The following KDM6B variants were observed in gnomAD, a reference collection of about 807,000 sequenced individuals.
The protein encoded by KDM6B is lysine demethylase 6B, also known as lysine-specific demethylase 6B.
A neutral mutation model predicts 150.4 loss-of-function variants in KDM6B; 22 were observed. That is an observed-to-expected ratio of 0.15 (90% CI 0.10 to 0.21). The LOEUF is 0.21. Among genes scored for constraint, KDM6B ranks in the 10% least tolerant of loss-of-function variants. KDM6B has a pLI of 1.00. For synonymous variants in KDM6B, 1,148 were observed against 921.1 expected, an observed-to-expected ratio of 1.25 and a Z score of -4.46; for missense variants, 1,984 against 2,234.3, an observed-to-expected ratio of 0.89 and a Z score of 2.26.
rs2078686086 is a variant in KDM6B at position 7,851,234 on chromosome 17, G to A, written c.3879+8G>A. The A allele has an allele frequency of 6.2e-7, 1 of 1,614,078 alleles. No homozygotes were observed. Among genetic ancestry groups the A allele is most frequent in the Non-Finnish European group, 8.5e-7 (1 of 1,180,032 alleles). On this transcript the variant is annotated splice_region_variant and intron_variant, in intron 15 of 23. Coordinates refer to ENST00000448097, the MANE Select transcript of KDM6B (RefSeq NM_001348716.2). ...TTCCAGGAGTCTCTGCAGGTGAGATGAGAACGTGGCCAGAGGCAGGTCCTG... is the reference window on the plus strand; with the variant it reads ...TTCCAGGAGTCTCTGCAGGTGAGATAAGAACGTGGCCAGAGGCAGGTCCTG...
At position 7,846,956 on chromosome 17, in the gene KDM6B, T is replaced by C; in HGVS notation, c.849T>C (p.Ser283=). The part of the protein sequence containing the change: ...PFQLTKPGLW[S]TLHGDAWGPE... ...AGCTAACCAAGCCAGGGCTGTGGAG[T>C]ACCCTGCATGGAGATGCCTGGGGCC... Residue 283 remains serine, a synonymous_variant, in exon 10 of 24, where the codon AGT becomes AGC. Coordinates refer to ENST00000448097, the MANE Select transcript of KDM6B (RefSeq NM_001348716.2). 1.4e-6 allele frequency: 2 copies of C among 1,425,440 alleles called. No homozygotes were observed. Among genetic ancestry groups the C allele is most frequent in the Non-Finnish European group, 1.9e-6 (2 of 1,062,160 alleles). 88.3% of individuals were successfully genotyped at this position (1,425,440 alleles called of 1,614,324 possible).
At position 7,849,638 on chromosome 17, in the gene KDM6B, C is replaced by G. The variant is rs745572740; in HGVS notation, c.3350C>G (p.Thr1117Ser). The change falls in exon 12 of 24, where the codon ACC becomes AGC. Residue 1117 changes from threonine to serine, a missense_variant. By Grantham distance (58) the Thr-to-Ser change is moderately conservative. Around this residue, in one of 13 missense-constraint regions of KDM6B, gnomAD observed 1,379 missense variants for 1,275.6 expected, o/e 1.08. Transcript: ENST00000448097. ...LIKVESGDKE[T>S]FIASEVEERR... ...AAGGTAGAGAGTGGTGACAAGGAGA[C>G]CTTTATCGCCTCTGAGGTGGAAGAG... 1 of 1,611,294 alleles carries G rather than the reference C, an allele frequency of 6.2e-7. No individual in the cohort carries two copies. Among genetic ancestry groups the G allele is most frequent in the Admixed American group, 1.7e-5 (1 of 60,022 alleles).
chr17:7,846,371 G>GGGGGGGGCCCCCCCCCCCCCC, intron 7 of KDM6B, 29 bp from the exon 8 acceptor site: 1 of 1,488,922 alleles, frequency 6.7e-7, no homozygotes, highest in Non-Finnish European at 9.2e-7. Flanking sequence ...CCTGACATCT[G>GGGGGGGGCCCCCCCCCCCCCC]CCCCTGCCCC....
chr17:7,848,840 C>T lies in KDM6B; in HGVS notation c.2552C>T (p.Thr851Ile), dbSNP rs1278027740. The change falls in exon 12 of 24, where the codon ACC (threonine) becomes ATC (isoleucine). Residue 851 changes from threonine to isoleucine, a missense_variant. Physicochemically the swap from Thr to Ile is moderately conservative, Grantham distance 89. Around this residue, in one of 13 missense-constraint regions of KDM6B, gnomAD observed 1,379 missense variants for 1,275.6 expected, o/e 1.08. Coordinates refer to ENST00000448097, the MANE Select transcript of KDM6B (RefSeq NM_001348716.2). ...TCAGGTGCTACCGCCCTGCCGCCCA[C>T]CTCAGCGGCCCCTAGCGCCCAGGGC... Reference protein sequence around the residue: ...PPSGATALPPTSAAPSAQGSP... With the variant: ...PPSGATALPPISAAPSAQGSP... The T allele has an allele frequency of 3.1e-6, 5 of 1,612,238 alleles. No individual in the cohort carries two copies. Among genetic ancestry groups the T allele is most frequent in the Non-Finnish European group, 4.2e-6 (5 of 1,179,756 alleles).
Position 7,848,680 on chromosome 17 carries a change from C to A in KDM6B, c.2392C>A (p.Pro798Thr). 2 of 1,611,592 alleles carry A rather than the reference C, an allele frequency of 1.2e-6. No homozygotes were observed. The highest frequency in any genetic ancestry group is 8.5e-7 in the Non-Finnish European group (1 of 1,179,730). ...SQPQPPPPPP[P>T]SPASLLKSLA... is the part of the protein sequence containing the mutation. ...GCCACAGCCACCACCACCCCCACCC[C>A]CCAGCCCGGCCAGCCTGCTCAAATC... The change falls in exon 12 of 24, where the codon CCC becomes ACC. Residue 798 changes from proline to threonine, a missense_variant. Pro to Thr is a conservative substitution (Grantham distance 38). Transcript: ENST00000448097.
At chr17:7,836,850 G>C (rs997452101) in intron 1 of KDM6B, among the ~76,000 whole-genome samples, 1 of 152,186 alleles carries the variant, frequency 6.6e-6, no homozygotes, top group Non-Finnish European at 1.5e-5. Context: ...CTGTGTTAGA[G>C]GTGGCCTGGG....
Position 7,847,786 on chromosome 17 carries a change from A to T in KDM6B, c.1498A>T (p.Ile500Phe), listed in dbSNP as rs535665513. Residue 500 changes from isoleucine (I) to phenylalanine (F), a missense_variant, in exon 12 of 24, where the codon ATC (isoleucine) becomes TTC (phenylalanine). Physicochemically the swap from Ile to Phe is conservative, Grantham distance 21. Transcript: ENST00000448097. ...ACRAAREDGEILEELFFGTEG... is the reference protein window; with the variant it reads ...ACRAAREDGEFLEELFFGTEG... ...CCGGGCAGCCCGAGAGGATGGAGAG[A>T]TCTTAGAAGAGCTCTTCTTTGGGAC... 2 of 1,490,596 alleles carry T rather than the reference A, an allele frequency of 1.3e-6. No individual in the cohort carries two copies. Among genetic ancestry groups the T allele is most frequent in the Non-Finnish European group, 1.8e-6 (2 of 1,111,480 alleles). The allele number at this position is 1,490,596 out of a possible 1,614,324, so 92.3% of individuals were successfully genotyped here.
chr17:7,852,849 A>C, intron 21 of KDM6B, 151 bp from the exon 22 acceptor site: 1 of 1,279,162 alleles, frequency 7.8e-7, no homozygotes, highest in South Asian at 1.2e-5. Flanking sequence ...CGCCTATAAC[A>C]GATGCCCAGG....
At position 7,851,602 on chromosome 17, in the gene KDM6B, G is replaced by A. The variant is rs543660086; in HGVS notation, c.4017-46G>A. On this transcript the variant is annotated intron_variant, in intron 17 of 23. Transcript: ENST00000448097. ...GGGGCAGGAGTGCTGCTAGGACCTC[G>A]TGGCGGGGGCGGGGTGTAGCCTCTC... The A allele has an allele frequency of 1.1e-5, 18 of 1,608,152 alleles. No homozygotes were observed. In the South Asian group the frequency reaches 2.0e-4, roughly 18 times the overall value.
rs2078758664 is a variant in KDM6B, at chr17:7,853,965, C to T, written c.*444C>T. The stretch of plus-strand genomic sequence containing the variant: ...GATTCTTTCTATGGGCTTTACCCCT[C>T]CCCCGGAACCTCCTTTTTTACTTCC... On this transcript the variant is annotated 3_prime_UTR_variant, in exon 24 of 24. Coordinates refer to ENST00000448097, the MANE Select transcript of KDM6B (RefSeq NM_001348716.2). 1 of 156,634 alleles carries T rather than the reference C, an allele frequency of 6.4e-6. No homozygotes were observed. Among genetic ancestry groups the T allele is most frequent in the South Asian group, 1.9e-4 (1 of 5,174 alleles). The allele number at this position is 156,634 out of a possible 1,614,324, so 9.7% of individuals were successfully genotyped here.
chr17:7,844,003 G>A lies in KDM6B; in HGVS notation c.-268-898G>A, dbSNP rs1223728725. 6.6e-6 allele frequency among the ~76,000 whole-genome samples: 1 copy of A among 151,968 alleles called. No individual in the cohort carries two copies. Among genetic ancestry groups the A allele is most frequent in the African/African-American group, 2.4e-5 (1 of 41,354 alleles). Reference sequence around the variant, plus strand: ...CTTTAAGGGAGTGGGTGGTGAGAGTGGGACAAGGGTGATGTCACTGCCTGT... The same window carrying A: ...CTTTAAGGGAGTGGGTGGTGAGAGTAGGACAAGGGTGATGTCACTGCCTGT... On this transcript the variant is annotated intron_variant, in intron 2 of 23. Transcript: ENST00000448097. This position sits in a 1 kb window ranked among gnomAD's most constrained non-coding sequence, Gnocchi z 5.9.
At chr17:7,835,715 A>G (rs1221574643) in intron 1 of KDM6B, among the ~76,000 whole-genome samples, 1 of 151,934 alleles carries the variant, frequency 6.6e-6, no homozygotes, top group South Asian at 2.1e-4. Context: ...GCTGCCTGGG[A>G]CCCGCACGTG....
At position 7,849,043 on chromosome 17, in the gene KDM6B, C is replaced by A. The variant is rs765488203; in HGVS notation, c.2755C>A (p.Arg919=). ...GTCTGAGGTGCTAGAAGAGATCAGC[C>A]GGGCTTGCGAGACCCTTGTGGAGCG... The part of the protein sequence containing the change: ...SESEVLEEIS[R]ACETLVERVG... Residue 919 remains arginine (R), a synonymous_variant, in exon 12 of 24, where the codon CGG becomes AGG. Coordinates refer to ENST00000448097, the MANE Select transcript of KDM6B (RefSeq NM_001348716.2). 1.2e-6 allele frequency: 2 copies of A among 1,611,128 alleles called. No homozygotes were observed. Among genetic ancestry groups the A allele is most frequent in the Non-Finnish European group, 1.7e-6 (2 of 1,179,312 alleles).
rs1567807417 is a variant in KDM6B, at chr17:7,854,416, TAAA to T, written c.*896_*898del. On this transcript the variant is annotated 3_prime_UTR_variant, in exon 24 of 24. Coordinates refer to ENST00000448097, the MANE Select transcript of KDM6B (RefSeq NM_001348716.2). ...CTGAAATGGTATTTTGTAAAAAAAA[TAAA>T]TAAAATAAAAAAATTAAAGGTTTTA... is the stretch of plus-strand genomic sequence containing the variant. The T allele has an allele frequency of 6.7e-6, 1 of 148,278 alleles. No individual in the cohort carries two copies. Among genetic ancestry groups the T allele is most frequent in the African/African-American group, 2.5e-5 (1 of 40,602 alleles). The allele number at this position is 148,278 out of a possible 1,614,324, so 9.2% of individuals were successfully genotyped here.
At chr17:7,852,923 C>G (rs1048271351) in intron 21 of KDM6B, 77 bp from the exon 22 acceptor site, 10 of 1,598,688 alleles carry the variant, frequency 6.3e-6, no homozygotes, top group East Asian at 4.5e-5. Context: ...GGGCTGCCCA[C>G]CCCTCTGCCC....
intron 5 of KDM6B, 54 bp from the exon 6 acceptor site, chr17:7,845,818 G>A (rs2078521089): frequency 1.9e-6 from 3 of 1,591,772 alleles, no homozygotes; most frequent in East Asian, 2.2e-5. Flanking sequence ...TCCTGCCTAG[G>A]TAGGACAAGA....
At position 7,845,589 on chromosome 17, in the gene KDM6B, C is replaced by G. The variant is rs1269560563; in HGVS notation, c.35C>G (p.Ala12Gly). The G allele has an allele frequency of 6.2e-7, 1 of 1,614,158 alleles. No homozygotes were observed. The highest frequency in any genetic ancestry group is 8.5e-7 in the Non-Finnish European group (1 of 1,180,034). ...GCAGTGGACCCTCCAGGGGCCCGCG[C>G]TGCACGGGAAGCCTTTGCCCTTGGG... is the stretch of plus-strand genomic sequence containing the variant. ...HRAVDPPGAR[A>G]AREAFALGGL... The change falls in exon 5 of 24, where the codon GCT becomes GGT. Residue 12 changes from alanine (A) to glycine (G), a missense_variant. Transcript: ENST00000448097.
chr17:7,846,561 C>T lies in KDM6B; in HGVS notation c.550-18C>T, dbSNP rs909273776. The T allele has an allele frequency of 2.5e-6, 4 of 1,614,000 alleles. No individual in the cohort carries two copies. The highest frequency in any genetic ancestry group is 1.3e-5 in the African/African-American group (1 of 75,014). On this transcript the variant is annotated intron_variant, in intron 8 of 23. Coordinates refer to ENST00000448097, the MANE Select transcript of KDM6B (RefSeq NM_001348716.2). ...GCCTGCACCCGTGCCATTTTCTCTT[C>T]TCTCTTTTTGTTCTCAGCACAAACG...
At chr17:7,834,406 G>A (rs2078288928) in intron 1 of KDM6B, among the ~76,000 whole-genome samples, 56 bp downstream of exon 1, 1 of 152,122 alleles carries the variant, frequency 6.6e-6, no homozygotes, top group African/African-American at 2.4e-5. Context: ...CTTGCAGCAG[G>A]GCAGGACGCC....
Sources: gnomAD v4.1 joint callset for allele counts (sites outside exome capture counted in the v4.1 genomes callset) on GRCh38, gnomAD v4.1.1 for gene constraint, gnomAD v4.1.1 regional missense constraint, Gnocchi (gnomAD v3.1) non-coding constraint, MANE v1.5 for transcripts, NCBI Gene and HGNC (gene_info 2026-07-23, HGNC 2026-07-21) for gene names.